SLC35F1: variants seen among roughly 807,000 people sequenced by gnomAD.
SLC35F1 encodes the protein solute carrier family 35 member F1, also known as chromosome 6 open reading frame 169.
A neutral mutation model predicts 48.7 loss-of-function variants in SLC35F1; 14 were observed. The ratio of observed to expected loss-of-function variants is 0.29; its 90% CI spans 0.19 to 0.45. The LOEUF is 0.45. SLC35F1 is among the 20% of genes least tolerant of loss of function. The probability of loss-of-function intolerance (pLI) is 1.00; values close to 1 mark genes in which losing one functional copy is unlikely to be tolerated. For synonymous variants in SLC35F1, 190 were observed against 202.2 expected, an observed-to-expected ratio of 0.94 and a Z score of 0.51; for missense variants, 404 against 500.0, an observed-to-expected ratio of 0.81 and a Z score of 1.83.
At chr6:118,133,215 G>C (rs953458028) in intron 1 of SLC35F1, among the ~76,000 whole-genome samples, 1 of 152,080 alleles carries the variant, frequency 6.6e-6, no homozygotes, top group Non-Finnish European at 1.5e-5. Flanking sequence ...TGTCCACAGA[G>C]CTCTGTGGAC....
rs562051414 is a variant in SLC35F1, at chr6:118,276,331, A to G, written c.794+716A>G. On this transcript the variant is annotated intron_variant, in intron 5 of 7. Coordinates refer to ENST00000360388, the MANE Select transcript of SLC35F1 (RefSeq NM_001029858.4). ...CATGAAGAATGATAGTATAACCTCC[A>G]GTCAAATTTTACTGAATCCCTTTCT... Among the ~76,000 whole-genome samples, 92 of 152,234 alleles carry G rather than the reference A, an allele frequency of 6.0e-4. 2 individuals are homozygous for G. Among genetic ancestry groups the G allele is most frequent in the Non-Finnish European group, 7.5e-4 (51 of 68,044 alleles).
intron 6 of SLC35F1, among the ~76,000 whole-genome samples, chr6:118,277,787 G>A (rs1775935579): frequency 6.6e-6 from 1 of 151,846 alleles, no homozygotes; most frequent in Non-Finnish European, 1.5e-5. Flanking sequence ...CATTAGGGGA[G>A]ACACAGAAGT....
chr6:118,080,445 G>A (rs1168441111), intron 1 of SLC35F1, among the ~76,000 whole-genome samples: 1 of 152,158 alleles, frequency 6.6e-6, no homozygotes, highest in Admixed American at 6.5e-5. Flanking sequence ...GATATGATGA[G>A]TATTGTCATG....
intron 1 of SLC35F1, among the ~76,000 whole-genome samples, chr6:118,101,765 A>G (rs771558449): frequency 2.0e-5 from 3 of 152,224 alleles, no homozygotes; most frequent in Non-Finnish European, 4.4e-5. Context: ...CTATGCATGG[A>G]TGGAGCTTTT....
chr6:118,193,584 T>G (rs768898509), intron 2 of SLC35F1, among the ~76,000 whole-genome samples: 10 of 152,228 alleles, frequency 6.6e-5, no homozygotes, highest in Non-Finnish European at 1.3e-4. Context: ...CATTTTACTT[T>G]CTTTACATAC....
rs1775350591 is a variant in SLC35F1, at chr6:118,235,517, A to C, written c.358A>C (p.Asn120His). The change falls in exon 3 of 8, where the codon AAC becomes CAC. Residue 120 changes from asparagine to histidine, a missense_variant. Transcript: ENST00000360388. ...TTLAVRQGEENLLAILRRRWW... is the reference protein window; with the variant it reads ...TTLAVRQGEEHLLAILRRRWW... ...TTAACTTTGTAACACAGGAGAAGAAAACCTCCTGGCAATTTTACGACGAAG... is the reference window on the plus strand; with the variant it reads ...TTAACTTTGTAACACAGGAGAAGAACACCTCCTGGCAATTTTACGACGAAG... The C allele has an allele frequency of 1.2e-6, 2 of 1,612,898 alleles. No individual in the cohort carries two copies.
At chr6:118,034,314 T>C (rs1340964080) in intron 1 of SLC35F1, among the ~76,000 whole-genome samples, 1 of 152,052 alleles carries the variant, frequency 6.6e-6, no homozygotes, top group East Asian at 1.9e-4. Flanking sequence ...TCCCAGCACT[T>C]TGGGAGGCTG....
At chr6:118,307,753 G>T (rs988199448) in intron 7 of SLC35F1, among the ~76,000 whole-genome samples, 1 of 152,206 alleles carries the variant, frequency 6.6e-6, no homozygotes, top group African/African-American at 2.4e-5. Flanking sequence ...ATAGCAATTG[G>T]CTCGGGCCCA....
chr6:118,074,870 C>T (rs1772794591), intron 1 of SLC35F1, among the ~76,000 whole-genome samples: 1 of 152,158 alleles, frequency 6.6e-6, no homozygotes, highest in African/African-American at 2.4e-5. Flanking sequence ...TCTCTAACTC[C>T]TGGACTCAAG....
intron 1 of SLC35F1, among the ~76,000 whole-genome samples, chr6:118,089,534 C>T (rs923188066): frequency 3.9e-5 from 6 of 152,180 alleles, no homozygotes; most frequent in Non-Finnish European, 7.3e-5. Context: ...ATGATACACT[C>T]TCAGGAGGAG....
At chr6:118,202,993 A>T (rs1374021939) in intron 2 of SLC35F1, among the ~76,000 whole-genome samples, 1 of 152,258 alleles carries the variant, frequency 6.6e-6, no homozygotes, top group African/African-American at 2.4e-5. Flanking sequence ...GAACCAATGC[A>T]GTAAAAAGCC....
At chr6:118,247,664 AGAGT>A (rs1775525675) in intron 3 of SLC35F1, among the ~76,000 whole-genome samples, 1 of 151,940 alleles carries the variant, frequency 6.6e-6, no homozygotes, top group Non-Finnish European at 1.5e-5. Flanking sequence ...AAATCTGTGA[AGAGT>A]GAAACACTTC....
chr6:118,108,063 T>C (rs974729023), intron 1 of SLC35F1, among the ~76,000 whole-genome samples: 1 of 152,088 alleles, frequency 6.6e-6, no homozygotes. Context: ...CAGTGTCAAA[T>C]TGGGGCATAC....
intron 2 of SLC35F1, among the ~76,000 whole-genome samples, chr6:118,234,993 A>G (rs936959983): frequency 4.6e-5 from 7 of 152,168 alleles, no homozygotes; most frequent in Non-Finnish European, 8.8e-5. Context: ...GTCTCTTCCC[A>G]TCACCCACAA....
chr6:118,266,941 G>A, intron 3 of SLC35F1, 54 bp from the exon 4 acceptor site: 2 of 1,596,384 alleles, frequency 1.3e-6, no homozygotes, highest in Non-Finnish European at 1.7e-6. Flanking sequence ...CCTACTACAT[G>A]GAATGCTTCC....
At position 118,053,464 on chromosome 6, in the gene SLC35F1, T is replaced by C. The variant is rs185704265; in HGVS notation, c.174-100981T>C. Among the ~76,000 whole-genome samples, 192 of 152,300 alleles carry C rather than the reference T, an allele frequency of 1.3e-3. 1 individual carries two copies. Among genetic ancestry groups the C allele is most frequent in the African/African-American group, 4.0e-3 (165 of 41,578 alleles). On this transcript the variant is annotated intron_variant, in intron 1 of 7. Transcript: ENST00000360388. ...ATCTTAAATTGTAAAAATAGTATTA[T>C]AACAATGTTAATACAGAAGGTCATT...
intron 2 of SLC35F1, among the ~76,000 whole-genome samples, chr6:118,201,034 C>T (rs139147342): frequency 0.016 from 2,472 of 152,220 alleles, 67 homozygotes; most frequent in African/African-American, 0.056. Context: ...ACCTCAGCCC[C>T]CCAAGTAGCT....
chr6:117,985,469 A>G (rs1290635419), intron 1 of SLC35F1, among the ~76,000 whole-genome samples: 1 of 152,228 alleles, frequency 6.6e-6, no homozygotes, highest in Non-Finnish European at 1.5e-5. Context: ...CTCAACTTGT[A>G]TGCAGAGTTG....
intron 6 of SLC35F1, among the ~76,000 whole-genome samples, chr6:118,279,419 C>T (rs1775955529): frequency 6.6e-6 from 1 of 152,142 alleles, no homozygotes; most frequent in African/African-American, 2.4e-5. Context: ...CTCGCCCTGA[C>T]CTACTGCAAG....
Sources: gnomAD v4.1 joint callset for allele counts (sites outside exome capture counted in the v4.1 genomes callset) on GRCh38, gnomAD v4.1.1 for gene constraint, MANE v1.5 for transcripts, NCBI Gene and HGNC (gene_info 2026-07-23, HGNC 2026-07-21) for gene names.